The following BCAS4 variants were observed in gnomAD, a reference collection of about 807,000 sequenced individuals.
BCAS4 encodes the protein breast carcinoma-amplified sequence 4.
BCAS4 carries 9 observed loss-of-function variants against 15.7 expected under a neutral mutation model. The observed-to-expected ratio is 0.57, with a 90% confidence interval of 0.34 to 1.00. The LOEUF (loss-of-function observed/expected upper bound fraction) is 1.00, where lower values mean the gene tolerates loss of function less well. Among genes scored for constraint, BCAS4 ranks in the 50% least tolerant of loss-of-function variants. The pLI, the probability that BCAS4 is intolerant of heterozygous loss-of-function variation, is 0.02. For missense variants in BCAS4, 225 were observed against 239.1 expected (o/e 0.94, Z 0.39); for synonymous variants, 101 against 99.5 (o/e 1.02, Z -0.09).
intron 1 of BCAS4, among the ~76,000 whole-genome samples, chr20:50,803,386 A>G (rs932986173): frequency 1.3e-5 from 2 of 152,226 alleles, no homozygotes; most frequent in African/African-American, 4.8e-5. Flanking sequence ...TTCTGTAAAT[A>G]AAAACAGAAG....
intron 4 of BCAS4, among the ~76,000 whole-genome samples, chr20:50,870,787 T>C (rs1228360260): frequency 1.3e-5 from 2 of 152,246 alleles, no homozygotes; most frequent in African/African-American, 4.8e-5. Context: ...GTCTGGGAAC[T>C]CAGGTGCGCA....
intron 4 of BCAS4, among the ~76,000 whole-genome samples, chr20:50,850,295 C>G (rs1978340893): frequency 6.6e-6 from 1 of 152,236 alleles, no homozygotes; most frequent in Admixed American, 6.5e-5. Flanking sequence ...GGACCTGAGG[C>G]TCAGAGGGGG....
chr20:50,866,018 C>T (rs903749441), intron 4 of BCAS4, among the ~76,000 whole-genome samples: 2 of 152,074 alleles, frequency 1.3e-5, no homozygotes, highest in African/African-American at 4.8e-5. Context: ...TGGGGGCCGG[C>T]GGTAGTGGGG....
At chr20:50,797,315 A>C (rs992132254) in intron 1 of BCAS4, among the ~76,000 whole-genome samples, 1 of 152,212 alleles carries the variant, frequency 6.6e-6, no homozygotes, top group African/African-American at 2.4e-5. Flanking sequence ...TTGGTTGCAC[A>C]AATTTGTGAA....
At chr20:50,850,957 G>C (rs1340649413) in intron 4 of BCAS4, among the ~76,000 whole-genome samples, 1 of 152,158 alleles carries the variant, frequency 6.6e-6, no homozygotes. Context: ...GAGCTGCCCT[G>C]CCCGGGCTGC....
At chr20:50,814,236 A>G (rs973002686) in intron 1 of BCAS4, among the ~76,000 whole-genome samples, 3 of 151,942 alleles carry the variant, frequency 2.0e-5, no homozygotes, top group Non-Finnish European at 4.4e-5. Context: ...GAGGTGGGGG[A>G]CTGACCATAG....
chr20:50,849,239 A>G (rs2088581925), intron 4 of BCAS4, among the ~76,000 whole-genome samples: 1 of 152,260 alleles, frequency 6.6e-6, no homozygotes, highest in Admixed American at 6.5e-5. Flanking sequence ...CTGATGGAGA[A>G]GAACACGGTG....
chr20:50,830,448 C>A, intron 3 of BCAS4, 68 bp downstream of exon 3: 9 of 1,339,878 alleles, frequency 6.7e-6, no homozygotes, highest in Non-Finnish European at 9.5e-6. Context: ...TCCGCAAAGA[C>A]GCCGATCTGG....
chr20:50,842,134 A>G (rs1383168364), intron 4 of BCAS4, among the ~76,000 whole-genome samples: 2 of 152,108 alleles, frequency 1.3e-5, no homozygotes, highest in Non-Finnish European at 2.9e-5. Context: ...CTGTTTGCTG[A>G]GTGCCATCTG....
chr20:50,840,195 A>G (rs937876065), intron 3 of BCAS4, among the ~76,000 whole-genome samples: 7 of 152,026 alleles, frequency 4.6e-5, no homozygotes, highest in Non-Finnish European at 1.0e-4. Flanking sequence ...TTTTTTATTT[A>G]TTTTAATTTT....
chr20:50,842,715 G>A (rs1392297066), intron 4 of BCAS4, among the ~76,000 whole-genome samples: 2 of 152,162 alleles, frequency 1.3e-5, no homozygotes, highest in Non-Finnish European at 2.9e-5. Context: ...ACCGTGCCTG[G>A]CCAATCACCC....
intron 1 of BCAS4, among the ~76,000 whole-genome samples, chr20:50,800,009 C>T (rs2087908907): frequency 2.0e-5 from 3 of 152,206 alleles, no homozygotes; most frequent in African/African-American, 4.8e-5. Flanking sequence ...GATCGCATCA[C>T]TGCACTCCAG....
At chr20:50,874,381 G>A (rs1261897131) in intron 4 of BCAS4, among the ~76,000 whole-genome samples, 1 of 152,160 alleles carries the variant, frequency 6.6e-6, no homozygotes, top group Non-Finnish European at 1.5e-5. Context: ...AGTTGCTGCT[G>A]AGGCTGTGAA....
chr20:50,802,125 AG>A (rs1168054400), intron 1 of BCAS4, among the ~76,000 whole-genome samples: 4 of 152,134 alleles, frequency 2.6e-5, no homozygotes, highest in African/African-American at 7.2e-5. Context: ...GCTTGAGTGC[AG>A]AAGTTTGAGG....
At chr20:50,845,866 G>A (rs1208979134) in intron 4 of BCAS4, among the ~76,000 whole-genome samples, 3 of 152,262 alleles carry the variant, frequency 2.0e-5, no homozygotes, top group Non-Finnish European at 4.4e-5. Flanking sequence ...CTCACCAGAG[G>A]CGCAGCCCCC....
At chr20:50,847,478 A>G (rs1054236028) in intron 4 of BCAS4, among the ~76,000 whole-genome samples, 57 of 152,180 alleles carry the variant, frequency 3.7e-4, no homozygotes, top group African/African-American at 1.4e-3. Flanking sequence ...GGGGCAGCTG[A>G]CAGAGCCAGC....
intron 4 of BCAS4, among the ~76,000 whole-genome samples, chr20:50,874,224 G>A (rs899118420): frequency 2.0e-5 from 3 of 152,166 alleles, no homozygotes; most frequent in Non-Finnish European, 4.4e-5. Flanking sequence ...GATCCCAGGT[G>A]GACCCCAGCC....
intron 2 of BCAS4, among the ~76,000 whole-genome samples, chr20:50,826,564 T>C (rs922980899): frequency 2.6e-5 from 4 of 152,252 alleles, no homozygotes; most frequent in Non-Finnish European, 5.9e-5. Context: ...CCCTAAAGTT[T>C]TTTTAAATAC....
intron 2 of BCAS4, among the ~76,000 whole-genome samples, chr20:50,828,617 T>C (rs926486439): frequency 1.2e-4 from 18 of 152,012 alleles, no homozygotes; most frequent in African/African-American, 4.4e-4. Flanking sequence ...CCGTCTCTAC[T>C]AAAATACAAA....
Sources: allele counts gnomAD v4.1 joint callset (sites outside exome capture counted in the v4.1 genomes callset), GRCh38; gene constraint gnomAD v4.1.1; transcripts MANE v1.5; gene names NCBI Gene and HGNC (gene_info 2026-07-23, HGNC 2026-07-21).